ZFYVE9: variants seen among roughly 807,000 people sequenced by gnomAD.
ZFYVE9 encodes zinc finger FYVE-type containing 9.
A neutral mutation model predicts 126.7 loss-of-function variants in ZFYVE9; 43 were observed. That is an observed-to-expected ratio of 0.34 (90% CI 0.27 to 0.44). ZFYVE9 has a LOEUF of 0.44. Ranked by LOEUF, ZFYVE9 falls within the 20% of genes least tolerant of loss-of-function variation. ZFYVE9 has a pLI of 1.00. For missense variants in ZFYVE9, 1,476 were observed against 1,697.0 expected (o/e 0.87, Z 2.29); for synonymous variants, 521 against 597.4 (o/e 0.87, Z 1.87).
At chr1:52,176,066 GAC>G (rs1644625024) in intron 1 of ZFYVE9, among the ~76,000 whole-genome samples, 1 of 152,186 alleles carries the variant, frequency 6.6e-6, no homozygotes, top group South Asian at 2.1e-4. Flanking sequence ...GAGGAGGAGA[GAC>G]ACGCTGCTTT....
intron 1 of ZFYVE9, among the ~76,000 whole-genome samples, chr1:52,192,972 A>G (rs1172098955): frequency 6.6e-6 from 1 of 152,192 alleles, no homozygotes; most frequent in Non-Finnish European, 1.5e-5. Flanking sequence ...ATCCTATGAG[A>G]TAGGTACTAT....
At chr1:52,242,609 G>A (rs539580169) in intron 4 of ZFYVE9, among the ~76,000 whole-genome samples, 3 of 152,054 alleles carry the variant, frequency 2.0e-5, no homozygotes, top group Admixed American at 6.5e-5. Flanking sequence ...TATAACGGGT[G>A]TAAGAACTTT....
Position 52,314,662 on chromosome 1 carries a change from A to C in ZFYVE9, c.3438+10737A>C, listed in dbSNP as rs144729429. Among the ~76,000 whole-genome samples, 475 of 152,118 alleles carry C rather than the reference A, an allele frequency of 3.1e-3. 4 individuals carry two copies. Among genetic ancestry groups the C allele is most frequent in the African/African-American group, 0.011 (442 of 41,432 alleles). On this transcript the variant is annotated intron_variant, in intron 13 of 18. Transcript: ENST00000287727. ...GTGAAACCTGGTCTCTACTAAAAAT[A>C]GAAAAAAATTAACCGGGTGTGGTGG...
chr1:52,179,451 G>A (rs1040349760), intron 1 of ZFYVE9, among the ~76,000 whole-genome samples: 16 of 152,100 alleles, frequency 1.1e-4, no homozygotes, highest in South Asian at 4.1e-4. Context: ...CCTGGCTAAC[G>A]TTGTGAAACC....
In ZFYVE9 at chr1:52,314,689, G is replaced by A. The variant is rs532732672; in HGVS notation, c.3438+10764G>A. 1.3e-3 allele frequency among the ~76,000 whole-genome samples: 202 copies of A among 152,168 alleles called. 1 individual carries two copies. Among genetic ancestry groups the A allele is most frequent in the Non-Finnish European group, 2.1e-3 (144 of 67,994 alleles). On this transcript the variant is annotated intron_variant, in intron 13 of 18. Coordinates refer to ENST00000287727, the MANE Select transcript of ZFYVE9 (RefSeq NM_004799.4). ...AAAAAAATTAACCGGGTGTGGTGGC[G>A]CGCGCCTCTAGTCCCAGCTACTTGG...
At chr1:52,173,901 T>C (rs555368021) in intron 1 of ZFYVE9, among the ~76,000 whole-genome samples, 25 of 152,306 alleles carry the variant, frequency 1.6e-4, no homozygotes, top group African/African-American at 5.1e-4. Context: ...CTTTTTTTCT[T>C]TGTTAGTCTT....
intron 17 of ZFYVE9, among the ~76,000 whole-genome samples, 188 bp downstream of exon 17, chr1:52,340,419 G>A (rs1646424894): frequency 6.6e-6 from 1 of 152,266 alleles, no homozygotes; most frequent in African/African-American, 2.4e-5. Context: ...GCCTGCACCT[G>A]TCTGATGTAT....
chr1:52,144,634 T>C (rs1644291783), intron 1 of ZFYVE9, among the ~76,000 whole-genome samples: 1 of 151,710 alleles, frequency 6.6e-6, no homozygotes, highest in African/African-American at 2.4e-5. Context: ...TCTTTCTTTT[T>C]TTTTTTTTTT....
At chr1:52,224,739 G>T (rs1645154147) in intron 2 of ZFYVE9, among the ~76,000 whole-genome samples, 1 of 152,094 alleles carries the variant, frequency 6.6e-6, no homozygotes, top group South Asian at 2.1e-4. Context: ...GGACTGTCAG[G>T]GGGAATTTTA....
intron 7 of ZFYVE9, among the ~76,000 whole-genome samples, chr1:52,269,282 A>G (rs1213575668): frequency 1.3e-5 from 2 of 152,156 alleles, no homozygotes; most frequent in Admixed American, 6.5e-5. Flanking sequence ...GGCGCCTGCC[A>G]TCATGCCAGG....
intron 15 of ZFYVE9, 132 bp from the exon 16 acceptor site, chr1:52,337,640 C>CA (rs1646401109): frequency 1.0e-6 from 1 of 996,322 alleles, no homozygotes; most frequent in African/African-American, 1.6e-5. Context: ...AGGTTCAGCT[C>CA]AAAGAGCAAA....
chr1:52,218,894 A>G (rs1645097264), intron 2 of ZFYVE9, among the ~76,000 whole-genome samples: 1 of 152,126 alleles, frequency 6.6e-6, no homozygotes, highest in African/African-American at 2.4e-5. Flanking sequence ...CTCCTAGGCC[A>G]TAAAGGTGCT....
chr1:52,287,333 G>C lies in ZFYVE9; in HGVS notation c.3025+5517G>C, dbSNP rs144765965. ...TCACCATGTTAGCCAGGCTGGTCTT[G>C]AACTCCCAACCTCAGGTGATCCACC... On this transcript the variant is annotated intron_variant, in intron 10 of 18. Coordinates refer to ENST00000287727, the MANE Select transcript of ZFYVE9 (RefSeq NM_004799.4). 3.5e-3 allele frequency among the ~76,000 whole-genome samples: 529 copies of C among 152,176 alleles called. 2 individuals are homozygous for C. Among genetic ancestry groups the C allele is most frequent in the African/African-American group, 0.012 (506 of 41,540 alleles).
intron 1 of ZFYVE9, among the ~76,000 whole-genome samples, chr1:52,191,726 T>G (rs1644817972): frequency 6.6e-6 from 1 of 152,170 alleles, no homozygotes; most frequent in South Asian, 2.1e-4. Flanking sequence ...TCCTGCACTT[T>G]TTCCATTACA....
At chr1:52,330,508 G>A (rs1646330893) in intron 13 of ZFYVE9, among the ~76,000 whole-genome samples, 2 of 152,170 alleles carry the variant, frequency 1.3e-5, no homozygotes, top group Admixed American at 1.3e-4. Context: ...CTGGAACTGA[G>A]GGTTCCTTCC....
intron 1 of ZFYVE9, among the ~76,000 whole-genome samples, chr1:52,174,145 C>T (rs530422133): frequency 6.6e-6 from 1 of 152,252 alleles, no homozygotes; most frequent in African/African-American, 2.4e-5. Flanking sequence ...GCATTTAGTG[C>T]TATAAATTTC....
At chr1:52,219,009 T>A (rs1645098269) in intron 2 of ZFYVE9, among the ~76,000 whole-genome samples, 1 of 151,986 alleles carries the variant, frequency 6.6e-6, no homozygotes, top group African/African-American at 2.4e-5. Flanking sequence ...TTTGGTGAAG[T>A]GGAGGTAGGG....
intron 10 of ZFYVE9, among the ~76,000 whole-genome samples, chr1:52,288,153 CAT>C (rs1645880994): frequency 6.6e-6 from 1 of 152,154 alleles, no homozygotes; most frequent in Non-Finnish European, 1.5e-5. Flanking sequence ...TCTATTTACA[CAT>C]GAGGAAAATG....
At chr1:52,186,572 A>G (rs184239960) in intron 1 of ZFYVE9, among the ~76,000 whole-genome samples, 68 of 152,320 alleles carry the variant, frequency 4.5e-4, no homozygotes, top group African/African-American at 1.3e-3. Flanking sequence ...AGAAAACCTC[A>G]TAGTCTTGGC....
Sources: gnomAD v4.1 joint callset for allele counts (sites outside exome capture counted in the v4.1 genomes callset) on GRCh38, gnomAD v4.1.1 for gene constraint, MANE v1.5 for transcripts, NCBI Gene and HGNC (gene_info 2026-07-23, HGNC 2026-07-21) for gene names.